WWC1: variants seen among roughly 807,000 people sequenced by gnomAD.
WWC1 encodes WW and C2 domain containing 1, also known as protein KIBRA.
A neutral mutation model predicts 138.4 loss-of-function variants in WWC1; 55 were observed. That is an observed-to-expected ratio of 0.40 (90% CI 0.32 to 0.50). The LOEUF (loss-of-function observed/expected upper bound fraction) is 0.50. Ranked by LOEUF, WWC1 falls within the 20% of genes least tolerant of loss-of-function variation. The probability of loss-of-function intolerance (pLI) is 0.72; values close to 1 mark genes in which losing one functional copy is unlikely to be tolerated. For synonymous variants in WWC1, 524 were observed against 564.9 expected, an observed-to-expected ratio of 0.93 and a Z score of 1.03; for missense variants, 1,226 against 1,420.4, an observed-to-expected ratio of 0.86 and a Z score of 2.20.
chr5:168,301,062 A>G (rs1428958325), intron 1 of WWC1, among the ~76,000 whole-genome samples: 1 of 152,210 alleles, frequency 6.6e-6, no homozygotes, highest in Non-Finnish European at 1.5e-5. Flanking sequence ...GGTGATAAAT[A>G]ATCATGATTG....
chr5:168,295,520 T>TGTGTGTG (rs1230283274), intron 1 of WWC1, among the ~76,000 whole-genome samples: 2 of 76,050 alleles, frequency 2.6e-5, no homozygotes, highest in Non-Finnish European at 5.5e-5. Context: ...GTGTGTGTGT[T>TGTGTGTG]TATTTGCCTT....
chr5:168,465,895 C>G (rs1046339912), intron 21 of WWC1, among the ~76,000 whole-genome samples: 6 of 152,062 alleles, frequency 3.9e-5, no homozygotes, highest in Non-Finnish European at 1.5e-5. Flanking sequence ...CAGGGGAAGT[C>G]CCTCACAGCA....
chr5:168,313,083 C>T (rs1266808017), intron 1 of WWC1, among the ~76,000 whole-genome samples: 1 of 152,028 alleles, frequency 6.6e-6, no homozygotes, highest in Admixed American at 6.6e-5. Context: ...GCAAGGATTA[C>T]AGGCATGAGC....
intron 1 of WWC1, among the ~76,000 whole-genome samples, chr5:168,324,127 T>C (rs1447358462): frequency 2.0e-5 from 3 of 152,170 alleles, no homozygotes; most frequent in African/African-American, 7.2e-5. Flanking sequence ...AGTTATACAA[T>C]AAGAAATGTT....
chr5:168,334,093 A>G (rs1235042791), intron 1 of WWC1, among the ~76,000 whole-genome samples: 1 of 143,230 alleles, frequency 7.0e-6, no homozygotes, highest in Non-Finnish European at 1.5e-5. Context: ...GTATAGTGGT[A>G]TACAACTGTG....
Position 168,409,961 on chromosome 5 carries a change from A to C in WWC1, c.907A>C (p.Arg303=), listed in dbSNP as rs776893319. Residue 303 remains arginine (R), a synonymous_variant, in exon 8 of 23, where the codon AGA becomes CGA. Transcript: ENST00000265293. ...CAACAATCAGTTGGCAGAGAAGGTC[A>C]GATTGCGCCTTCGATATGAAGAGGC... The part of the protein sequence containing the change: ...NSNNQLAEKV[R]LRLRYEEAKR... The C allele has an allele frequency of 1.9e-6, 3 of 1,614,048 alleles. No homozygotes were observed. The East Asian group carries it at 6.7e-5, about 36-fold the overall frequency.
chr5:168,431,994 A>G (rs3929002), intron 15 of WWC1, among the ~76,000 whole-genome samples: 78,232 of 149,980 alleles, frequency 0.52, 21,486 homozygotes, highest in East Asian at 0.84. Context: ...TTGAGCTGCA[A>G]TGAGCTGATC....
chr5:168,431,755 A>G (rs1300606478), intron 15 of WWC1, among the ~76,000 whole-genome samples: 1 of 152,158 alleles, frequency 6.6e-6, no homozygotes, highest in East Asian at 1.9e-4. Context: ...GCTTTACTAT[A>G]CAGCATGAGA....
chr5:168,403,117 C>T (rs1365522049), intron 5 of WWC1, among the ~76,000 whole-genome samples: 3 of 140,408 alleles, frequency 2.1e-5, no homozygotes, highest in Non-Finnish European at 4.6e-5. Flanking sequence ...TCTTTTCTTT[C>T]GACAGAGTCT....
At chr5:168,396,074 T>C (rs1398072906) in intron 3 of WWC1, among the ~76,000 whole-genome samples, 1 of 152,136 alleles carries the variant, frequency 6.6e-6, no homozygotes, top group Non-Finnish European at 1.5e-5. Context: ...TCTGGCTACA[T>C]GTGAACATTA....
Position 168,326,216 on chromosome 5 carries a change from C to CTTTTTTTTTTTTTT in WWC1, c.119+33950_119+33963dup, listed in dbSNP as rs796347858. 3.0e-3 allele frequency among the ~76,000 whole-genome samples: 343 copies of CTTTTTTTTTTTTTT among 113,198 alleles called. 9 individuals carry two copies. Among genetic ancestry groups the CTTTTTTTTTTTTTT allele is most frequent in the African/African-American group, 0.011 (326 of 29,084 alleles). 74.3% of individuals were successfully genotyped at this position (113,198 alleles called of 152,430 possible). A position where few individuals can be genotyped will look rare whatever the true frequency, so the allele number is the denominator to read the frequency against. Reference sequence around the variant, plus strand: ...TGGCTCAGGACACCGACCTGATAGTCTTTTTTTTTTTTTTTTTTGGGACGG... The same window carrying CTTTTTTTTTTTTTT: ...TGGCTCAGGACACCGACCTGATAGTCTTTTTTTTTTTTTTTTTTTTTTTTTTTTTTTTGGGACGG... On this transcript the variant is annotated intron_variant, in intron 1 of 22. Coordinates refer to ENST00000265293, the MANE Select transcript of WWC1 (RefSeq NM_015238.3).
intron 14 of WWC1, 96 bp from the exon 15 acceptor site, chr5:168,431,156 G>A (rs1199240100): frequency 8.9e-7 from 1 of 1,118,020 alleles, no homozygotes; most frequent in Non-Finnish European, 1.3e-6. Context: ...CTCATCCACT[G>A]TTGTTTGCTT....
chr5:168,411,830 C>G (rs1780252130), intron 8 of WWC1: 1 of 287,252 alleles, frequency 3.5e-6, no homozygotes, highest in Non-Finnish European at 5.2e-6. Flanking sequence ...CTCTAAAGGT[C>G]TAGGCATGCG....
chr5:168,326,521 C>T (rs1772569074), intron 1 of WWC1, among the ~76,000 whole-genome samples: 2 of 150,880 alleles, frequency 1.3e-5, no homozygotes, highest in Admixed American at 1.3e-4. Flanking sequence ...CCGGCCCCGA[C>T]TTGATAGTGT....
Position 168,399,494 on chromosome 5 carries a change from A to G in WWC1, c.517A>G (p.Lys173Glu), listed in dbSNP as rs148104597. ...EIATAKSRVN[K>E]LKREMVHLQH... ...GTGGTCTGCTGCCCTCCAGGTCAAC[A>G]AGCTGAAGAGAGAGATGGTTCACCT... Residue 173 changes from lysine to glutamate, a missense_variant, in exon 5 of 23, where the codon AAG (lysine) becomes GAG (glutamate). Around this residue, in one of 3 missense-constraint regions of WWC1, gnomAD observed 1,016 missense variants for 1,153.9 expected, o/e 0.88. Coordinates refer to ENST00000265293, the MANE Select transcript of WWC1 (RefSeq NM_015238.3). 3 of 1,614,018 alleles carry G rather than the reference A, an allele frequency of 1.9e-6. No homozygotes were observed. In the African/African-American group the frequency reaches 4.0e-5, roughly 22 times the overall value.
At chr5:168,428,475 C>T (rs1456569830) in intron 12 of WWC1, among the ~76,000 whole-genome samples, 1 of 151,928 alleles carries the variant, frequency 6.6e-6, no homozygotes, top group Non-Finnish European at 1.5e-5. Flanking sequence ...ATCCCAGCTA[C>T]TTGGGAGGCT....
At chr5:168,433,780 C>T (rs58474234) in intron 15 of WWC1, among the ~76,000 whole-genome samples, 17,472 of 152,180 alleles carry the variant, frequency 0.11, 1,768 homozygotes, top group African/African-American at 0.27. Flanking sequence ...TCAAGTGATC[C>T]GCCTGTCTCC....
Position 168,467,922 on chromosome 5 carries a change from G to T in WWC1, c.3233G>T (p.Arg1078Leu), listed in dbSNP as rs368175149. 18 of 1,614,242 alleles carry T rather than the reference G, an allele frequency of 1.1e-5. No individual in the cohort carries two copies. The highest frequency in any genetic ancestry group is 1.5e-5 in the Non-Finnish European group (18 of 1,180,046). The change falls in exon 22 of 23, where the codon CGA (arginine) becomes CTA (leucine). Residue 1078 changes from arginine (R) to leucine (L), a missense_variant. Arg to Leu is a moderately radical substitution (Grantham distance 102). Transcript: ENST00000265293. ...GCTGCCAAGGATGTGCACAGGCTCCGAGGCCAGAGCTGTAAGGAACCCCCA... is the reference window on the plus strand; with the variant it reads ...GCTGCCAAGGATGTGCACAGGCTCCTAGGCCAGAGCTGTAAGGAACCCCCA... ...RAAAKDVHRL[R>L]GQSCKEPPEV...
chr5:168,366,268 C>T (rs1446705823), intron 1 of WWC1, among the ~76,000 whole-genome samples: 1 of 152,212 alleles, frequency 6.6e-6, no homozygotes, highest in Non-Finnish European at 1.5e-5. Context: ...CATCTCTACA[C>T]ACTGAATAAT....
Sources: allele counts gnomAD v4.1 joint callset (sites outside exome capture counted in the v4.1 genomes callset), GRCh38; gene constraint gnomAD v4.1.1; regional missense constraint gnomAD v4.1.1; transcripts MANE v1.5; gene names NCBI Gene and HGNC (gene_info 2026-07-23, HGNC 2026-07-21).